The following DDC variants were observed in gnomAD, a reference collection of about 807,000 sequenced individuals.
DDC encodes aromatic-L-amino-acid decarboxylase.
DDC carries 43 observed loss-of-function variants against 60.0 expected under a neutral mutation model. The observed-to-expected ratio is 0.72, with a 90% CI of 0.56 to 0.92. The LOEUF is 0.92. Ranked by LOEUF, DDC falls within the 40% of genes least tolerant of loss-of-function variation. The probability of loss-of-function intolerance (pLI) is 0.00; values close to 1 mark genes in which losing one functional copy is unlikely to be tolerated. For missense variants in DDC, 573 were observed against 620.2 expected (o/e 0.92, Z 0.81); for synonymous variants, 232 against 234.6 (o/e 0.99, Z 0.10).
At chr7:50,497,981 CA>C (rs947701387) in intron 8 of DDC, among the ~76,000 whole-genome samples, 3 of 152,104 alleles carry the variant, frequency 2.0e-5, no homozygotes, top group African/African-American at 7.2e-5. Context: ...TAGTGATTAG[CA>C]AACCTGACAT....
intron 1 of DDC, among the ~76,000 whole-genome samples, chr7:50,550,564 C>T (rs905866278): frequency 6.6e-6 from 1 of 152,166 alleles, no homozygotes; most frequent in Non-Finnish European, 1.5e-5. Flanking sequence ...GTCCTTATGA[C>T]ATGTGGCCAA....
chr7:50,550,472 G>A (rs1415869353), intron 1 of DDC, among the ~76,000 whole-genome samples: 2 of 152,162 alleles, frequency 1.3e-5, no homozygotes, highest in Non-Finnish European at 2.9e-5. Flanking sequence ...TGTGAACACC[G>A]AAAATTTGAG....
chr7:50,539,902 T>C lies in DDC; in HGVS notation c.315+13A>G, dbSNP rs983582853. On this transcript the variant is annotated intron_variant, in intron 3 of 14. Coordinates refer to ENST00000444124, the MANE Select transcript of DDC (RefSeq NM_001082971.2). Reference sequence around the variant, plus strand: ...AGCCAGGACCCCTTCCCGAGGTGCATCCGGACCCTCACCCAGGAGAAGCCG... The same window carrying C: ...AGCCAGGACCCCTTCCCGAGGTGCACCCGGACCCTCACCCAGGAGAAGCCG... 1 of 1,607,834 alleles carries C rather than the reference T, an allele frequency of 6.2e-7. No homozygotes were observed. The highest frequency in any genetic ancestry group is 2.2e-5 in the East Asian group (1 of 44,776).
intron 11 of DDC, among the ~76,000 whole-genome samples, chr7:50,474,366 AC>A: frequency 6.6e-6 from 1 of 152,248 alleles, no homozygotes; most frequent in African/African-American, 2.4e-5. Context: ...GGACAGAAAG[AC>A]CCCATGAGGG....
At chr7:50,498,440 G>A (rs1266973440) in intron 8 of DDC, among the ~76,000 whole-genome samples, 1 of 152,290 alleles carries the variant, frequency 6.6e-6, no homozygotes, top group Non-Finnish European at 1.5e-5. Flanking sequence ...GGCATTCAAA[G>A]CTGAGTTCTT....
chr7:50,531,491 G>T (rs1269210825), intron 4 of DDC, among the ~76,000 whole-genome samples: 2 of 152,208 alleles, frequency 1.3e-5, no homozygotes, highest in South Asian at 4.2e-4. Context: ...GCGTTGGAAC[G>T]CAGGTGTTCA....
intron 6 of DDC, among the ~76,000 whole-genome samples, chr7:50,515,831 G>C (rs11575362): frequency 4.5e-4 from 68 of 152,300 alleles, no homozygotes; most frequent in African/African-American, 1.6e-3. Flanking sequence ...GAGACAAAGA[G>C]GGACGTTATA....
chr7:50,475,693 ATT>A lies in DDC; in HGVS notation c.1041+929_1041+930del, dbSNP rs5884154. On this transcript the variant is annotated intron_variant, in intron 11 of 14. Transcript: ENST00000444124. ...TGCCCACCACACGTGGACACAGGTC[ATT>A]TTTTTTTTTTTTGAGACAGAGTTTC... Among the ~76,000 whole-genome samples, 168 of 144,102 alleles carry A rather than the reference ATT, an allele frequency of 1.2e-3. 1 individual carries two copies. Among genetic ancestry groups the A allele is most frequent in the Middle Eastern group, 3.5e-3 (1 of 284 alleles). 94.5% of individuals were successfully genotyped at this position (144,102 alleles called of 152,430 possible). A position where few individuals can be genotyped will look rare whatever the true frequency, so the allele number is the denominator to read the frequency against.
At chr7:50,498,927 T>C (rs1345002121) in intron 8 of DDC, among the ~76,000 whole-genome samples, 1 of 152,220 alleles carries the variant, frequency 6.6e-6, no homozygotes, top group Non-Finnish European at 1.5e-5. Flanking sequence ...TTTGTGTAGA[T>C]TGAAATGGAA....
chr7:50,499,406 A>C (rs1177393016), intron 7 of DDC, among the ~76,000 whole-genome samples, 164 bp from the exon 8 acceptor site: 3 of 152,168 alleles, frequency 2.0e-5, no homozygotes, highest in African/African-American at 7.2e-5. Context: ...AAAGGGTCTA[A>C]AGCTGAGGGC....
chr7:50,527,928 G>T, intron 6 of DDC: 1 of 523,614 alleles, frequency 1.9e-6, no homozygotes, highest in Non-Finnish European at 3.4e-6. Flanking sequence ...ACAGAGTCTT[G>T]CTCTGTCACA....
At chr7:50,539,566 G>T (rs2044542114) in intron 3 of DDC, among the ~76,000 whole-genome samples, 1 of 152,162 alleles carries the variant, frequency 6.6e-6, no homozygotes, top group African/African-American at 2.4e-5. Flanking sequence ...CGGTTCTCAA[G>T]CTTTGGAGGA....
intron 1 of DDC, among the ~76,000 whole-genome samples, chr7:50,562,315 C>A (rs2045359256): frequency 6.6e-6 from 1 of 152,190 alleles, no homozygotes; most frequent in African/African-American, 2.4e-5. Flanking sequence ...AGGCAGCAGC[C>A]ATGTGGACAA....
intron 6 of DDC, among the ~76,000 whole-genome samples, chr7:50,513,170 G>A (rs2043630584): frequency 6.6e-6 from 1 of 152,212 alleles, no homozygotes; most frequent in Non-Finnish European, 1.5e-5. Context: ...CCCAGCTGCA[G>A]AAGCGGGAAA....
chr7:50,524,625 G>A (rs927447319), intron 6 of DDC, among the ~76,000 whole-genome samples: 3 of 152,128 alleles, frequency 2.0e-5, no homozygotes, highest in Non-Finnish European at 2.9e-5. Context: ...ACATATTAAT[G>A]CATATCTATC....
At chr7:50,547,009 T>C (rs550442424) in intron 1 of DDC, among the ~76,000 whole-genome samples, 2 of 152,296 alleles carry the variant, frequency 1.3e-5, no homozygotes, top group African/African-American at 4.8e-5. Flanking sequence ...TGAAATTAGT[T>C]TTTAGTTTGA....
chr7:50,551,563 GC>G (rs2044995901), intron 1 of DDC, among the ~76,000 whole-genome samples: 1 of 152,052 alleles, frequency 6.6e-6, no homozygotes, highest in Non-Finnish European at 1.5e-5. Context: ...AAACTGAATA[GC>G]TTTTTCGTGT....
intron 2 of DDC, chr7:50,541,213 G>A (rs574402569): frequency 5.4e-4 from 83 of 152,404 alleles, no homozygotes; most frequent in African/African-American, 1.9e-3. Context: ...GCATGGTGTT[G>A]GGAGCACCCC....
Position 50,499,237 on chromosome 7 carries a change from T to G in DDC, c.787A>C (p.Lys263Gln). The G allele has an allele frequency of 6.2e-7, 1 of 1,612,614 alleles. No homozygotes were observed. Among genetic ancestry groups the G allele is most frequent in the African/African-American group, 1.3e-5 (1 of 75,022 alleles). ...TCAACGTGCAGCCATATGTCTTCCT[T>G]GTTGCCTAAAGTTCAGAATCAACTT... is the stretch of plus-strand genomic sequence containing the variant. ...NLLEVGPICNKEDIWLHVDAA... is the reference protein window; with the variant it reads ...NLLEVGPICNQEDIWLHVDAA... The change falls in exon 8 of 15, where the codon AAG becomes CAG. Residue 263 changes from lysine (K) to glutamine (Q), a missense_variant. By Grantham distance (53) the Lys-to-Gln change is moderately conservative. Coordinates refer to ENST00000444124, the MANE Select transcript of DDC (RefSeq NM_001082971.2).
Sources: gnomAD v4.1 joint callset for allele counts (sites outside exome capture counted in the v4.1 genomes callset) on GRCh38, gnomAD v4.1.1 for gene constraint, MANE v1.5 for transcripts, NCBI Gene and HGNC (gene_info 2026-07-23, HGNC 2026-07-21) for gene names.